The following TRAPPC8 variants were observed in gnomAD, a reference collection of about 807,000 sequenced individuals.
The protein encoded by TRAPPC8 is trafficking protein particle complex subunit 8.
Under a neutral mutation model 174.3 loss-of-function variants are expected in TRAPPC8, and 54 were observed. The observed-to-expected ratio is 0.31, with a 90% CI of 0.25 to 0.39. The LOEUF (loss-of-function observed/expected upper bound fraction) is 0.39, where lower values mean the gene tolerates loss of function less well. Ranked by LOEUF, TRAPPC8 falls within the 10% of genes least tolerant of loss-of-function variation. The probability of loss-of-function intolerance (pLI) is 1.00; values close to 1 mark genes in which losing one functional copy is unlikely to be tolerated. For missense variants in TRAPPC8, 1,531 were observed against 1,699.1 expected (o/e 0.90, Z 1.74); for synonymous variants, 630 against 579.9 (o/e 1.09, Z -1.24).
chr18:31,937,254 G>A (rs766297021), intron 1 of TRAPPC8, among the ~76,000 whole-genome samples: 43 of 152,162 alleles, frequency 2.8e-4, no homozygotes, highest in Non-Finnish European at 4.1e-4. Flanking sequence ...TTTAAGGCCG[G>A]TCGCAGTGGC....
At chr18:31,844,979 T>A (rs142112946) in intron 26 of TRAPPC8, 1 of 151,774 alleles carries the variant, frequency 6.6e-6, no homozygotes, top group African/African-American at 2.4e-5. Flanking sequence ...TTCTAGAAAA[T>A]AGGCCGGGCA....
intron 27 of TRAPPC8, among the ~76,000 whole-genome samples, chr18:31,836,928 A>AT (rs372224783): frequency 2.6e-5 from 4 of 151,626 alleles, no homozygotes; most frequent in African/African-American, 9.7e-5. Context: ...CACCCGGCTA[A>AT]TTTTTTTGTA....
chr18:31,834,854 T>G (rs1437390753), intron 27 of TRAPPC8, among the ~76,000 whole-genome samples: 1 of 152,166 alleles, frequency 6.6e-6, no homozygotes, highest in Non-Finnish European at 1.5e-5. Context: ...TTCCTCACAT[T>G]TCTACTTGTT....
chr18:31,907,656 C>A (rs1178376351), intron 8 of TRAPPC8, 46 bp from the exon 9 acceptor site: 1 of 1,444,804 alleles, frequency 6.9e-7, no homozygotes, highest in South Asian at 1.5e-5. Flanking sequence ...ACCCCCCAAA[C>A]CATTAAAATT....
intron 19 of TRAPPC8, among the ~76,000 whole-genome samples, chr18:31,861,792 A>G (rs1183276170): frequency 2.6e-5 from 4 of 151,908 alleles, no homozygotes; most frequent in African/African-American, 9.7e-5. Flanking sequence ...CAAAAAAATT[A>G]GCCAGGTGTG....
At chr18:31,897,642 C>A in intron 11 of TRAPPC8, 144 bp downstream of exon 11, 3 of 491,818 alleles carry the variant, frequency 6.1e-6, no homozygotes, top group Non-Finnish European at 1.0e-5. Flanking sequence ...CAACAAAAAA[C>A]TAAAATAGCC....
Position 31,908,317 on chromosome 18 carries a change from A to G in TRAPPC8, c.1224T>C (p.Asn408=), listed in dbSNP as rs2036751881. Residue 408 remains asparagine, a synonymous_variant, in exon 8 of 29, where the codon AAT becomes AAC. Transcript: ENST00000283351. ...ACTTTACTCACAGCAAGCCAGATGTATTTTTCAGGTCATTAATGCTCTTTT... is the reference window on the plus strand; with the variant it reads ...ACTTTACTCACAGCAAGCCAGATGTGTTTTTCAGGTCATTAATGCTCTTTT... The part of the protein sequence containing the change: ...VPEKSINDLK[N]TSGLLYPPEA... The G allele has an allele frequency of 6.3e-7, 1 of 1,599,994 alleles. No individual in the cohort carries two copies. Among genetic ancestry groups the G allele is most frequent in the Admixed American group, 1.7e-5 (1 of 57,370 alleles).
intron 14 of TRAPPC8, among the ~76,000 whole-genome samples, chr18:31,873,148 G>T (rs2034968077): frequency 6.7e-6 from 1 of 148,870 alleles, no homozygotes. Flanking sequence ...CTCTTGAGTT[G>T]ATGGGACTAC....
intron 19 of TRAPPC8, among the ~76,000 whole-genome samples, chr18:31,859,608 G>A (rs578031738): frequency 1.7e-4 from 26 of 152,222 alleles, no homozygotes; most frequent in African/African-American, 5.1e-4. Flanking sequence ...CATCAAGAAG[G>A]TTACAGCATT....
At chr18:31,849,825 A>G in intron 24 of TRAPPC8, 86 bp from the exon 25 acceptor site, 4 of 1,301,880 alleles carry the variant, frequency 3.1e-6, no homozygotes, top group Non-Finnish European at 4.0e-6. Flanking sequence ...TTAATTAAAT[A>G]TATCCTGCCA....
At chr18:31,913,563 G>A (rs1033577433) in intron 4 of TRAPPC8, 41 bp from the exon 5 acceptor site, 6 of 1,496,536 alleles carry the variant, frequency 4.0e-6, no homozygotes, top group Admixed American at 2.3e-5. Context: ...TAAAAGAGGA[G>A]CAGGCCTTAG....
rs189397659 is a variant in TRAPPC8 at position 31,935,858 on chromosome 18, C to T, written c.158-4335G>A. On this transcript the variant is annotated intron_variant, in intron 1 of 28. Transcript: ENST00000283351. ...TCAAGCAATTCCCCTGCCTCAGCCT[C>T]CCGAGTAGCTGGGATTACAGGCGCC... Among the ~76,000 whole-genome samples, 924 of 151,916 alleles carry T rather than the reference C, an allele frequency of 6.1e-3. 12 individuals are homozygous for T. The highest frequency in any genetic ancestry group is 0.021 in the African/African-American group (886 of 41,474).
intron 9 of TRAPPC8, among the ~76,000 whole-genome samples, chr18:31,903,237 G>T (rs114300096): frequency 2.6e-5 from 4 of 152,116 alleles, no homozygotes; most frequent in Non-Finnish European, 4.4e-5. Context: ...GTATTTGCTG[G>T]TGGAAAAAGA....
intron 24 of TRAPPC8, among the ~76,000 whole-genome samples, 179 bp downstream of exon 24, chr18:31,852,267 G>A (rs1046824812): frequency 4.6e-5 from 7 of 152,142 alleles, no homozygotes; most frequent in Admixed American, 3.9e-4. Flanking sequence ...CTTGATCCTG[G>A]GAAGTCGAGG....
intron 28 of TRAPPC8, among the ~76,000 whole-genome samples, chr18:31,831,248 G>A (rs1009410004): frequency 2.6e-5 from 4 of 152,166 alleles, no homozygotes; most frequent in Non-Finnish European, 4.4e-5. Flanking sequence ...CTACTCAGGA[G>A]GCTGAGGCAG....
At chr18:31,873,091 C>A (rs2034963671) in intron 14 of TRAPPC8, among the ~76,000 whole-genome samples, 1 of 136,886 alleles carries the variant, frequency 7.3e-6, no homozygotes, top group Non-Finnish European at 1.5e-5. Flanking sequence ...GATCTCAGCT[C>A]ACTGCAACCT....
intron 12 of TRAPPC8, among the ~76,000 whole-genome samples, chr18:31,889,894 C>T (rs1841842658): frequency 6.6e-6 from 1 of 152,068 alleles, no homozygotes. Flanking sequence ...AAATAATGTA[C>T]ATTGTGTAAA....
At chr18:31,855,571 C>T (rs959910294) in intron 21 of TRAPPC8, 89 bp downstream of exon 21, 17 of 1,143,422 alleles carry the variant, frequency 1.5e-5, no homozygotes. Context: ...CTTATGCTGT[C>T]TTGTAAAGGA....
chr18:31,909,341 T>C (rs1036649321), intron 6 of TRAPPC8, among the ~76,000 whole-genome samples: 3 of 152,098 alleles, frequency 2.0e-5, no homozygotes, highest in African/African-American at 7.2e-5. Context: ...AAAAATTTGT[T>C]ATCATTACAA....
Sources: gnomAD v4.1 joint callset for allele counts (sites outside exome capture counted in the v4.1 genomes callset) on GRCh38, gnomAD v4.1.1 for gene constraint, MANE v1.5 for transcripts, NCBI Gene and HGNC (gene_info 2026-07-23, HGNC 2026-07-21) for gene names.